USP49: variants seen among roughly 807,000 people sequenced by gnomAD.
USP49 encodes ubiquitin carboxyl-terminal hydrolase 49.
Under a neutral mutation model 58.6 loss-of-function variants are expected in USP49, and 24 were observed. That is an observed-to-expected ratio of 0.41 (90% confidence interval 0.30 to 0.58). The LOEUF (loss-of-function observed/expected upper bound fraction) is 0.58. Among genes scored for constraint, USP49 ranks in the 20% least tolerant of loss-of-function variants. The pLI is 0.30. For synonymous variants in USP49, 408 were observed against 365.1 expected (o/e 1.12, Z -1.34); for missense variants, 703 against 866.1 (o/e 0.81, Z 2.36).
intron 5 of USP49, among the ~76,000 whole-genome samples, 193 bp from the exon 6 acceptor site, chr6:41,800,131 G>A (rs1165151891): frequency 6.6e-6 from 1 of 152,200 alleles, no homozygotes; most frequent in East Asian, 1.9e-4. Context: ...GTGTGGCCAT[G>A]GAAGTTCTGG....
chr6:41,857,919 C>T (rs1444937896), intron 3 of USP49, among the ~76,000 whole-genome samples: 4 of 152,182 alleles, frequency 2.6e-5, no homozygotes, highest in African/African-American at 9.7e-5. Flanking sequence ...GTCAAAGTGA[C>T]TTCTCTCTCA....
In USP49 at chr6:41,793,243, C is replaced by CTTTT. The variant is rs945007745; in HGVS notation, c.*3286_*3289dup. ...ACATTTTAAGAGACATCTGGAAATT[C>CTTTT]TTTTTTTTTTTTTGTTTTTGTTTTT... On this transcript the variant is annotated 3_prime_UTR_variant, in exon 8 of 8. Coordinates refer to ENST00000682992, the MANE Select transcript of USP49 (RefSeq NM_001286554.2). 0.012 allele frequency: 1,832 copies of CTTTT among 151,634 alleles called. 22 individuals are homozygous for CTTTT. Among genetic ancestry groups the CTTTT allele is most frequent in the South Asian group, 0.057 (283 of 5,002 alleles). 9.4% of individuals were successfully genotyped at this position (151,634 alleles called of 1,614,324 possible). A position where few individuals can be genotyped will look rare whatever the true frequency, so the allele number is the denominator to read the frequency against.
intron 3 of USP49, among the ~76,000 whole-genome samples, chr6:41,841,668 A>T (rs566760033): frequency 6.6e-6 from 1 of 152,162 alleles, no homozygotes; most frequent in Non-Finnish European, 1.5e-5. Flanking sequence ...TCTTAGGTGG[A>T]CCTATTCCCA....
intron 3 of USP49, among the ~76,000 whole-genome samples, chr6:41,851,282 T>A (rs541459228): frequency 6.6e-6 from 1 of 152,334 alleles, no homozygotes; most frequent in Non-Finnish European, 1.5e-5. Flanking sequence ...AAGAATTACA[T>A]ATTATCAATA....
At chr6:41,893,574 C>T (rs985260387) in intron 1 of USP49, among the ~76,000 whole-genome samples, 2 of 152,184 alleles carry the variant, frequency 1.3e-5, no homozygotes, top group African/African-American at 2.4e-5. Context: ...TCACATCACA[C>T]GAGTACACCC....
In USP49 at chr6:41,794,407, ACAGCCTGAG is replaced by A. The variant is rs1772851791; in HGVS notation, c.*2117_*2125del. On this transcript the variant is annotated 3_prime_UTR_variant, in exon 8 of 8. Coordinates refer to ENST00000682992, the MANE Select transcript of USP49 (RefSeq NM_001286554.2). ...GTTTATTAATAATTATCCCCACTGG[ACAGCCTGAG>A]GGGTAAAGTAGATGCTCTATTAGTT... The A allele has an allele frequency of 1.3e-5, 2 of 152,236 alleles. No individual in the cohort carries two copies. The highest frequency in any genetic ancestry group is 2.9e-5 in the Non-Finnish European group (2 of 68,036). The allele number at this position is 152,236 out of a possible 1,614,324, so 9.4% of individuals were successfully genotyped here. A position where few individuals can be genotyped will look rare whatever the true frequency, so the allele number is the denominator to read the frequency against.
chr6:41,840,079 T>G (rs933977014), intron 3 of USP49, among the ~76,000 whole-genome samples: 21 of 151,746 alleles, frequency 1.4e-4, no homozygotes, highest in Non-Finnish European at 1.5e-5. Flanking sequence ...TTATTAACAT[T>G]TAAAAAAAAA....
At position 41,806,667 on chromosome 6, in the gene USP49, T is replaced by G. The variant is rs1238339908; in HGVS notation, c.317A>C (p.Lys106Thr). Reference sequence around the variant, plus strand: ...CCCACGTCTCACCGGCGTGTCCTGTTTCTGGCCCCGGACCGCCAGGAGGGA... The same window carrying G: ...CCCACGTCTCACCGGCGTGTCCTGTGTCTGGCCCCGGACCGCCAGGAGGGA... ...RSSLLAVRGQ[K>T]QDTPVRRGRT... Residue 106 changes from lysine to threonine, a missense_variant, in exon 4 of 8, where the codon AAA becomes ACA. Physicochemically the swap from Lys to Thr is moderately conservative, Grantham distance 78. Around this residue, in one of 6 missense-constraint regions of USP49, gnomAD observed 376 missense variants for 373.5 expected, o/e 1.01. Coordinates refer to ENST00000682992, the MANE Select transcript of USP49 (RefSeq NM_001286554.2). This position sits in a 1 kb window ranked among gnomAD's most constrained non-coding sequence, Gnocchi z 5.9. 1 of 1,614,126 alleles carries G rather than the reference T, an allele frequency of 6.2e-7. No individual in the cohort carries two copies.
At chr6:41,869,398 C>T (rs1049413169) in intron 3 of USP49, among the ~76,000 whole-genome samples, 1 of 151,492 alleles carries the variant, frequency 6.6e-6, no homozygotes, top group East Asian at 1.9e-4. Flanking sequence ...TACTATGATC[C>T]TGTGTGCAAA....
intron 3 of USP49, among the ~76,000 whole-genome samples, chr6:41,819,472 C>T (rs1191460611): frequency 1.3e-5 from 2 of 152,044 alleles, no homozygotes; most frequent in African/African-American, 4.8e-5. Context: ...TAAAAAAATA[C>T]ATACATATAT....
chr6:41,839,232 C>T (rs967977263), intron 3 of USP49, among the ~76,000 whole-genome samples: 6 of 151,252 alleles, frequency 4.0e-5, no homozygotes, highest in Non-Finnish European at 8.8e-5. Context: ...CATGGCAAAC[C>T]CTGTCTCTAC....
Position 41,790,452 on chromosome 6 carries a change from T to C in USP49, c.*6081A>G, listed in dbSNP as rs1186801657. The C allele has an allele frequency of 2.0e-5, 3 of 152,106 alleles. No individual in the cohort carries two copies. Among genetic ancestry groups the C allele is most frequent in the African/African-American group, 7.2e-5 (3 of 41,400 alleles). The allele number at this position is 152,106 out of a possible 1,614,324, so 9.4% of individuals were successfully genotyped here. A position where few individuals can be genotyped will look rare whatever the true frequency, so the allele number is the denominator to read the frequency against. On this transcript the variant is annotated 3_prime_UTR_variant, in exon 8 of 8. Transcript: ENST00000682992. ...TGGCATGTATAGACTTATATAGCCA[T>C]AGAAAGAGGTGGATAGAAACAGGTC...
intron 3 of USP49, among the ~76,000 whole-genome samples, chr6:41,860,546 T>C (rs1774202105): frequency 6.6e-6 from 1 of 152,136 alleles, no homozygotes; most frequent in Non-Finnish European, 1.5e-5. Flanking sequence ...TCTTGCTCTG[T>C]TGCCAGGCTG....
chr6:41,890,402 A>C (rs1774792095), intron 2 of USP49, among the ~76,000 whole-genome samples: 1 of 151,098 alleles, frequency 6.6e-6, no homozygotes, highest in Non-Finnish European at 1.5e-5. Context: ...CGAGTGGATC[A>C]ATTTACTTAA....
At chr6:41,819,070 G>A (rs1339195710) in intron 3 of USP49, among the ~76,000 whole-genome samples, 1 of 151,992 alleles carries the variant, frequency 6.6e-6, no homozygotes, top group Non-Finnish European at 1.5e-5. Flanking sequence ...GAGATTTTGT[G>A]CTTTTGAAAT....
chr6:41,813,658 C>T (rs1453783002), intron 3 of USP49, among the ~76,000 whole-genome samples: 7 of 152,112 alleles, frequency 4.6e-5, no homozygotes, highest in African/African-American at 1.4e-4. Context: ...TTTGTCATGG[C>T]GACTCACTAA....
chr6:41,854,858 C>T (rs540338230), intron 3 of USP49, among the ~76,000 whole-genome samples: 2 of 152,120 alleles, frequency 1.3e-5, no homozygotes, highest in Non-Finnish European at 2.9e-5. Flanking sequence ...CTGGAACCTC[C>T]GCCTACCAGG....
chr6:41,814,081 G>A (rs1009318852), intron 3 of USP49, among the ~76,000 whole-genome samples: 1 of 152,228 alleles, frequency 6.6e-6, no homozygotes, highest in South Asian at 2.1e-4. Flanking sequence ...AGTGTGACAG[G>A]CACCTAGTAC....
chr6:41,866,710 G>A (rs1463330593), intron 3 of USP49, among the ~76,000 whole-genome samples: 1 of 152,170 alleles, frequency 6.6e-6, no homozygotes, highest in African/African-American at 2.4e-5. Context: ...AAGGAAAACA[G>A]CTGTATTCTC....
Sources: allele counts gnomAD v4.1 joint callset (sites outside exome capture counted in the v4.1 genomes callset), GRCh38; gene constraint gnomAD v4.1.1; regional missense constraint gnomAD v4.1.1; non-coding constraint Gnocchi (gnomAD v3.1); transcripts MANE v1.5; gene names NCBI Gene and HGNC (gene_info 2026-07-23, HGNC 2026-07-21).